The following DAB2IP variants were observed in gnomAD, a reference collection of about 807,000 sequenced individuals.
DAB2IP encodes disabled homolog 2-interacting protein.
In DAB2IP, 28 loss-of-function variants were observed where a neutral mutation model predicts 107.2. That is an observed-to-expected ratio of 0.26 (90% CI 0.19 to 0.36). The LOEUF is 0.36. DAB2IP is among the 10% of genes least tolerant of loss of function. The probability of loss-of-function intolerance (pLI) is 1.00; values close to 1 mark genes in which losing one functional copy is unlikely to be tolerated. For synonymous variants in DAB2IP, 755 were observed against 706.4 expected, an observed-to-expected ratio of 1.07 and a Z score of -1.09; for missense variants, 1,400 against 1,644.7, an observed-to-expected ratio of 0.85 and a Z score of 2.57.
chr9:121,763,708 C>T (rs368123166), intron 7 of DAB2IP, 27 bp from the exon 8 acceptor site: 66 of 1,612,734 alleles, frequency 4.1e-5, no homozygotes, highest in South Asian at 2.7e-4. Context: ...GGTCCTCACT[C>T]CCCACTCCCT....
intron 2 of DAB2IP, among the ~76,000 whole-genome samples, chr9:121,679,762 T>A (rs1429982209): frequency 1.3e-5 from 2 of 152,128 alleles, no homozygotes; most frequent in Middle Eastern, 3.4e-3. Flanking sequence ...TGGAAGTGAT[T>A]GGCTATTCAC....
rs994699646 is a variant in DAB2IP at position 121,633,547 on chromosome 9, G to T, written c.41-45131G>T. Among the ~76,000 whole-genome samples, 9 of 152,168 alleles carry T rather than the reference G, an allele frequency of 5.9e-5. No homozygotes were observed. The highest frequency in any genetic ancestry group is 2.0e-4 in the Admixed American group (3 of 15,278). ...GAACTTCCTGGCTGACTGTGGGGTG[G>T]TGTGAAATCCTGGAATGGGCTGCTC... On this transcript the variant is annotated intron_variant, in intron 1 of 16. Coordinates refer to the DAB2IP transcript ENST00000259371. The surrounding 1 kb of genome is among the most constrained non-coding windows in gnomAD (Gnocchi z 5.1).
rs534606149 is a variant in DAB2IP, at chr9:121,611,790, T to C, written c.40+44562T>C. Among the ~76,000 whole-genome samples the C allele has an allele frequency of 2.6e-5, 4 of 151,758 alleles. No individual in the cohort carries two copies. The South Asian group carries it at 8.3e-4, about 32-fold the overall frequency. ...AGTAGAGACAGGGTTTCACCATGTT[T>C]GCCAGGGTGGTCTCAAACTCCTGGC... On this transcript the variant is annotated intron_variant, in intron 1 of 16. Transcript: ENST00000259371.
Position 121,759,016 on chromosome 9 carries a change from A to T in DAB2IP, c.615+20A>T. ...AACAAGGTAAGCCTGCGCCCCTCTC[A>T]CCAAAGCATGGGGGATTGAAGGTAG... is the stretch of plus-strand genomic sequence containing the variant. On this transcript the variant is annotated intron_variant, in intron 5 of 15. Transcript: ENST00000408936. The T allele has an allele frequency of 6.3e-7, 1 of 1,599,556 alleles. No individual in the cohort carries two copies. Among genetic ancestry groups the T allele is most frequent in the Non-Finnish European group, 8.5e-7 (1 of 1,172,410 alleles).
chr9:121,770,637 C>A (rs1286037265), exon 11 of DAB2IP: 4 of 1,614,046 alleles, frequency 2.5e-6, no homozygotes, highest in Non-Finnish European at 2.5e-6. Context: ...CTCCCAGGGA[C>A]CAATGACCTG....
chr9:121,606,765 CTTTGTTT>C (rs1341980818), intron 1 of DAB2IP, among the ~76,000 whole-genome samples: 19 of 150,656 alleles, frequency 1.3e-4, no homozygotes, highest in Admixed American at 2.6e-4. Flanking sequence ...TGGCAGCGTT[CTTTGTTT>C]TTTGTTTTTT....
intron 9 of DAB2IP, among the ~76,000 whole-genome samples, chr9:121,767,717 G>T (rs1009151803): frequency 6.6e-6 from 1 of 152,220 alleles, no homozygotes; most frequent in African/African-American, 2.4e-5. Context: ...TGGGCAGATG[G>T]GTTGGAGGGA....
intron 13 of DAB2IP, among the ~76,000 whole-genome samples, chr9:121,775,500 G>A (rs535118060): frequency 1.6e-4 from 25 of 152,200 alleles, no homozygotes; most frequent in Non-Finnish European, 2.2e-4. Flanking sequence ...TCCTCATGGC[G>A]TCTGGCCCCT....
intron 3 of DAB2IP, among the ~76,000 whole-genome samples, chr9:121,724,698 G>C (rs552545052): frequency 4.6e-5 from 7 of 151,086 alleles, no homozygotes; most frequent in Non-Finnish European, 1.0e-4. Context: ...TTACAGATGG[G>C]GAAACTAGAC....
intron 3 of DAB2IP, among the ~76,000 whole-genome samples, chr9:121,717,152 G>A (rs779844287): frequency 5.9e-5 from 9 of 152,296 alleles, no homozygotes; most frequent in Non-Finnish European, 1.2e-4. Context: ...GTGATGCTAT[G>A]CAGTCCTCAT....
At chr9:121,710,201 G>A (rs1197555103) in intron 3 of DAB2IP, among the ~76,000 whole-genome samples, 1 of 152,220 alleles carries the variant, frequency 6.6e-6, no homozygotes, top group African/African-American at 2.4e-5. Context: ...CTTGCCCTGA[G>A]TCGGACAGCA....
At chr9:121,690,904 C>A (rs879446362) in intron 2 of DAB2IP, among the ~76,000 whole-genome samples, 1 of 152,140 alleles carries the variant, frequency 6.6e-6, no homozygotes, top group Non-Finnish European at 1.5e-5. Flanking sequence ...AGACTCCCCG[C>A]TGTCCTACCT....
intron 1 of DAB2IP, among the ~76,000 whole-genome samples, chr9:121,636,184 A>G (rs1254181357): frequency 2.0e-5 from 3 of 152,102 alleles, no homozygotes; most frequent in Non-Finnish European, 4.4e-5. Context: ...CTAGGATTAC[A>G]GGCGTGAGCC....
At chr9:121,695,089 C>T (rs1476567784) in intron 2 of DAB2IP, among the ~76,000 whole-genome samples, 1 of 152,066 alleles carries the variant, frequency 6.6e-6, no homozygotes, top group African/African-American at 2.4e-5. Flanking sequence ...CCCTGCCTGC[C>T]CCGTGCACTT....
intron 1 of DAB2IP, among the ~76,000 whole-genome samples, chr9:121,586,188 T>C (rs924748625): frequency 6.6e-6 from 1 of 152,206 alleles, no homozygotes; most frequent in African/African-American, 2.4e-5. Flanking sequence ...CCTCCTGGCA[T>C]TAAAACTAAA....
At chr9:121,767,638 A>G (rs545243875) in intron 9 of DAB2IP, among the ~76,000 whole-genome samples, 11 of 152,284 alleles carry the variant, frequency 7.2e-5, no homozygotes, top group African/African-American at 2.6e-4. Context: ...GAGCCACCAG[A>G]GGGTTTTAAA....
chr9:121,773,087 CCACAGCTCCCTGAGCTCA>C, exon 12 of DAB2IP: 1 of 1,612,512 alleles, frequency 6.2e-7, no homozygotes, highest in Non-Finnish European at 8.5e-7. Context: ...GCTCTGAGGG[CCACAGCTCCCTGAGCTCA>C]CACAGCAACA....
At chr9:121,783,658 G>A in exon 16 of DAB2IP, 6 of 1,375,694 alleles carry the variant, frequency 4.4e-6, no homozygotes. Context: ...CCCTCTCCAA[G>A]ACAGCAGCAG....
At chr9:121,725,601 C>T (rs1831198204) in intron 3 of DAB2IP, among the ~76,000 whole-genome samples, 1 of 152,238 alleles carries the variant, frequency 6.6e-6, no homozygotes, top group African/African-American at 2.4e-5. Flanking sequence ...GATGAGTCAA[C>T]AGACCTCACC....
Sources: allele counts gnomAD v4.1 joint callset (sites outside exome capture counted in the v4.1 genomes callset), GRCh38; gene constraint gnomAD v4.1.1; non-coding constraint Gnocchi (gnomAD v3.1); transcripts MANE v1.5; gene names NCBI Gene and HGNC (gene_info 2026-07-23, HGNC 2026-07-21).